Variants in SYNPO2 observed in about 807,000 individuals in gnomAD.
The protein encoded by SYNPO2 is synaptopodin-2.
A neutral mutation model predicts 85.0 loss-of-function variants in SYNPO2; 56 were observed. That is an observed-to-expected ratio of 0.66 (90% CI 0.53 to 0.82). The LOEUF is 0.82. Ranked by LOEUF, SYNPO2 falls within the 40% of genes least tolerant of loss-of-function variation. The probability of loss-of-function intolerance (pLI) is 0.00; values close to 1 mark genes in which losing one functional copy is unlikely to be tolerated. For synonymous variants in SYNPO2, 602 were observed against 591.1 expected, an observed-to-expected ratio of 1.02 and a Z score of -0.27; for missense variants, 1,575 against 1,534.2, an observed-to-expected ratio of 1.03 and a Z score of -0.44.
intron 4 of SYNPO2, among the ~76,000 whole-genome samples, chr4:119,050,415 C>T (rs1412271509): frequency 2.0e-5 from 3 of 152,052 alleles, no homozygotes; most frequent in African/African-American, 7.2e-5. Context: ...TATGAGACTG[C>T]CTGCCTGGGT....
At chr4:118,877,938 G>T (rs1578512634) in intron 1 of SYNPO2, among the ~76,000 whole-genome samples, 3 of 152,284 alleles carry the variant, frequency 2.0e-5, no homozygotes, top group Middle Eastern at 6.8e-3. Context: ...ATTCACGATA[G>T]CAAAGACTTG....
intron 1 of SYNPO2, among the ~76,000 whole-genome samples, chr4:118,943,789 G>C (rs748025041): frequency 2.0e-5 from 3 of 152,114 alleles, no homozygotes; most frequent in African/African-American, 7.2e-5. Flanking sequence ...GACTCTAAAG[G>C]CAATTTTAAA....
chr4:118,990,556 CAA>C (rs1736378936), intron 1 of SYNPO2, among the ~76,000 whole-genome samples: 1 of 152,166 alleles, frequency 6.6e-6, no homozygotes, highest in African/African-American at 2.4e-5. Context: ...CCAGACCAAA[CAA>C]ATAGACCCAG....
intron 4 of SYNPO2, among the ~76,000 whole-genome samples, chr4:119,053,370 A>G (rs954899925): frequency 6.6e-6 from 1 of 152,258 alleles, no homozygotes; most frequent in Non-Finnish European, 1.5e-5. Flanking sequence ...TCTCTAACCT[A>G]AAATGGTTTA....
At chr4:118,931,216 T>A (rs1222399812) in intron 1 of SYNPO2, among the ~76,000 whole-genome samples, 1 of 151,948 alleles carries the variant, frequency 6.6e-6, no homozygotes, top group Non-Finnish European at 1.5e-5. Context: ...AATTAAGGAT[T>A]CATAAGTAAA....
At chr4:119,010,830 A>G (rs1037795774) in intron 1 of SYNPO2, among the ~76,000 whole-genome samples, 2 of 152,220 alleles carry the variant, frequency 1.3e-5, no homozygotes, top group Non-Finnish European at 2.9e-5. Context: ...TAATTAATCA[A>G]AAGAGGTAAC....
intron 1 of SYNPO2, among the ~76,000 whole-genome samples, chr4:118,866,443 C>CT (rs1171411880): frequency 3.3e-5 from 5 of 152,216 alleles, no homozygotes; most frequent in African/African-American, 1.2e-4. Flanking sequence ...CAGCACAGTT[C>CT]TATCTCTAAG....
At chr4:118,936,695 C>T (rs773676282) in intron 1 of SYNPO2, among the ~76,000 whole-genome samples, 1 of 152,076 alleles carries the variant, frequency 6.6e-6, no homozygotes, top group Non-Finnish European at 1.5e-5. Context: ...TCTCCATTTC[C>T]CCCATCCTAT....
Position 119,026,960 on chromosome 4 carries a change from T to G in SYNPO2, c.591T>G (p.Val197=), listed in dbSNP as rs767183818. The change falls in exon 3 of 5, where the codon GTT becomes GTG. Residue 197 remains valine (V), a synonymous_variant. Coordinates refer to ENST00000307142, the MANE Select transcript of SYNPO2 (RefSeq NM_133477.3). ...KVEAVQPGPV[V]ELQLSLSQER... is the part of the protein sequence containing the mutation. ...AAGCGGTACAGCCTGGGCCTGTGGT[T>G]GAGCTGCAACTGTCCCTTTCACAGG... The G allele has an allele frequency of 1.2e-6, 2 of 1,614,012 alleles. No homozygotes were observed. Among genetic ancestry groups the G allele is most frequent in the Non-Finnish European group, 1.7e-6 (2 of 1,180,018 alleles).
rs1739367211 is a variant in SYNPO2 at position 119,060,210 on chromosome 4, A to G, written c.*2276A>G. On this transcript the variant is annotated 3_prime_UTR_variant, in exon 5 of 5. Transcript: ENST00000307142. Reference sequence around the variant, plus strand: ...GGAGACTTTAAACTTACATGTTAGCATAAAACAGACTTCTCTCTCATTGCA... The same window carrying G: ...GGAGACTTTAAACTTACATGTTAGCGTAAAACAGACTTCTCTCTCATTGCA... The G allele has an allele frequency of 6.6e-6, 1 of 152,214 alleles. No homozygotes were observed. Among genetic ancestry groups the G allele is most frequent in the Admixed American group, 6.5e-5 (1 of 15,278 alleles). The allele number at this position is 152,214 out of a possible 1,614,324, so 9.4% of individuals were successfully genotyped here.
At chr4:118,920,659 A>C (rs979676809) in intron 1 of SYNPO2, among the ~76,000 whole-genome samples, 2 of 152,170 alleles carry the variant, frequency 1.3e-5, no homozygotes, top group African/African-American at 4.8e-5. Context: ...AGTGTAATGT[A>C]AGAAATATGT....
At position 118,961,483 on chromosome 4, in the gene SYNPO2, C is replaced by T. The variant is rs114384916; in HGVS notation, c.106-61947C>T. 5.4e-3 allele frequency among the ~76,000 whole-genome samples: 815 copies of T among 152,274 alleles called. 14 individuals carry two copies. Among genetic ancestry groups the T allele is most frequent in the African/African-American group, 0.017 (711 of 41,560 alleles). On this transcript the variant is annotated intron_variant, in intron 1 of 4. Coordinates refer to ENST00000307142, the MANE Select transcript of SYNPO2 (RefSeq NM_133477.3). ...CTTTTCCTAAATCTTTGCATCTCTGCGTCTTCATTACTCAGGTGTCCGTTC... is the reference window on the plus strand; with the variant it reads ...CTTTTCCTAAATCTTTGCATCTCTGTGTCTTCATTACTCAGGTGTCCGTTC...
intron 1 of SYNPO2, among the ~76,000 whole-genome samples, chr4:118,942,428 G>A (rs1445627765): frequency 6.6e-6 from 1 of 152,140 alleles, no homozygotes; most frequent in Non-Finnish European, 1.5e-5. Flanking sequence ...TGAATGGACA[G>A]CTTTCTATCT....
chr4:119,013,475 C>T (rs1737408157), intron 1 of SYNPO2, among the ~76,000 whole-genome samples: 1 of 152,100 alleles, frequency 6.6e-6, no homozygotes, highest in Non-Finnish European at 1.5e-5. Flanking sequence ...TATGGGACAT[C>T]ATTTTTATTT....
intron 1 of SYNPO2, among the ~76,000 whole-genome samples, chr4:118,944,109 C>T (rs1464423153): frequency 3.9e-5 from 6 of 151,980 alleles, no homozygotes; most frequent in African/African-American, 1.5e-4. Context: ...ATTTTATCCT[C>T]AAGTTCTTTT....
At chr4:118,931,136 T>C (rs558022459) in intron 1 of SYNPO2, among the ~76,000 whole-genome samples, 43 of 152,204 alleles carry the variant, frequency 2.8e-4, no homozygotes, top group Admixed American at 8.5e-4. Flanking sequence ...TAAAGATAGA[T>C]AAAATACCTT....
chr4:118,884,276 A>G (rs551989841), upstream of SYNPO2, among the ~76,000 whole-genome samples: 5 of 152,344 alleles, frequency 3.3e-5, no homozygotes, highest in East Asian at 1.9e-4. Flanking sequence ...CTAGAGACCC[A>G]TGAAGGACTG....
In SYNPO2 at chr4:118,894,265, A is replaced by G. The variant is rs1399710546; in HGVS notation, c.105+5124A>G. Among the ~76,000 whole-genome samples the G allele has an allele frequency of 2.4e-4, 36 of 152,104 alleles. 1 individual carries two copies. The highest frequency in any genetic ancestry group is 2.2e-3 in the Admixed American group (34 of 15,266). ...TCCTAGTCAAGTTAAGAGGAAGATC[A>G]GAGAGAGGCTAAAAATTATCTGAGT... On this transcript the variant is annotated intron_variant, in intron 1 of 4. Transcript: ENST00000307142.
chr4:118,917,048 C>A lies in SYNPO2; in HGVS notation c.105+27907C>A, dbSNP rs183332776. ...CCGTGCCCCGCCCTTCTGCTGTTTT[C>A]AAAAAATTTGTTTTAATCATCTTGG... is the stretch of plus-strand genomic sequence containing the variant. On this transcript the variant is annotated intron_variant, in intron 1 of 4. Transcript: ENST00000307142. 1.1e-4 allele frequency among the ~76,000 whole-genome samples: 17 copies of A among 152,126 alleles called. No homozygotes were observed. In the East Asian group the frequency reaches 2.7e-3, roughly 24 times the overall value.
Sources: gnomAD v4.1 joint callset for allele counts (sites outside exome capture counted in the v4.1 genomes callset) on GRCh38, gnomAD v4.1.1 for gene constraint, MANE v1.5 for transcripts, NCBI Gene and HGNC (gene_info 2026-07-23, HGNC 2026-07-21) for gene names.